Variants in MYO6 observed in about 807,000 individuals in gnomAD.
The protein encoded by MYO6 is unconventional myosin-VI.
Under a neutral mutation model 178.7 loss-of-function variants are expected in MYO6, and 74 were observed. That is an observed-to-expected ratio of 0.41 (90% CI 0.34 to 0.50). MYO6 has a LOEUF of 0.50. MYO6 is among the 20% of genes least tolerant of loss of function. MYO6 has a pLI of 0.09. For synonymous variants in MYO6, 477 were observed against 504.6 expected, an observed-to-expected ratio of 0.95 and a Z score of 0.73; for missense variants, 1,330 against 1,547.4, an observed-to-expected ratio of 0.86 and a Z score of 2.36.
rs1007804805 is a variant in MYO6 at position 75,851,095 on chromosome 6, A to G, written c.1078+2564A>G. ...AAAAAAAGTCTTTACAATAATTAAT[A>G]CACACTTTAGAAATGTTGTTAGAAG... On this transcript the variant is annotated intron_variant, in intron 11 of 34. Coordinates refer to ENST00000369977, the MANE Select transcript of MYO6 (RefSeq NM_004999.4). 7.9e-5 allele frequency among the ~76,000 whole-genome samples: 12 copies of G among 152,354 alleles called. No homozygotes were observed. The East Asian group carries it at 2.1e-3, about 27-fold the overall frequency.
intron 3 of MYO6, among the ~76,000 whole-genome samples, chr6:75,823,550 G>T (rs1005986210): frequency 1.3e-5 from 2 of 152,160 alleles, no homozygotes; most frequent in African/African-American, 4.8e-5. Context: ...ATGTACAGTT[G>T]TCAAGGTACC....
intron 1 of MYO6, among the ~76,000 whole-genome samples, chr6:75,750,840 A>G (rs1375880141): frequency 6.6e-6 from 1 of 152,016 alleles, no homozygotes; most frequent in Non-Finnish European, 1.5e-5. Flanking sequence ...TCGGCCTCCC[A>G]AAGTGCTAGG....
chr6:75,780,307 T>C (rs530448946), intron 1 of MYO6, among the ~76,000 whole-genome samples: 1 of 152,302 alleles, frequency 6.6e-6, no homozygotes, highest in Non-Finnish European at 1.5e-5. Flanking sequence ...CTGGGTGTGG[T>C]GGTGCACACC....
At chr6:75,872,883 G>A (rs1042183422) in intron 19 of MYO6, among the ~76,000 whole-genome samples, 4 of 151,760 alleles carry the variant, frequency 2.6e-5, no homozygotes, top group Non-Finnish European at 5.9e-5. Flanking sequence ...GGGTTCAAGT[G>A]GTTCTCCTGC....
intron 1 of MYO6, among the ~76,000 whole-genome samples, chr6:75,779,288 G>A (rs1766721805): frequency 6.6e-6 from 1 of 152,060 alleles, no homozygotes; most frequent in African/African-American, 2.4e-5. Context: ...GATTACCTGA[G>A]GTCAGGAGTT....
chr6:75,841,523 TAAAAA>T (rs770670898), intron 9 of MYO6, 145 bp downstream of exon 9: 9 of 549,490 alleles, frequency 1.6e-5, no homozygotes, highest in East Asian at 1.1e-4. Flanking sequence ...ACCCTGTCTC[TAAAAA>T]AAAAAAATAC....
At chr6:75,772,220 G>A (rs1319705490) in intron 1 of MYO6, among the ~76,000 whole-genome samples, 1 of 151,920 alleles carries the variant, frequency 6.6e-6, no homozygotes, top group Non-Finnish European at 1.5e-5. Context: ...TCTCCTGTTT[G>A]TCACAAAGAT....
At chr6:75,859,075 G>T in intron 14 of MYO6, 82 bp downstream of exon 14, 1 of 898,946 alleles carries the variant, frequency 1.1e-6, no homozygotes. Context: ...CAGTTACCCT[G>T]ATTGGTGTGG....
intron 16 of MYO6, among the ~76,000 whole-genome samples, 153 bp from the exon 17 acceptor site, chr6:75,866,363 TGATACTTTAA>T (rs1776693360): frequency 6.6e-6 from 1 of 152,044 alleles, no homozygotes; most frequent in African/African-American, 2.4e-5. Context: ...TAGATTTTAT[TGATACTTTAA>T]GGCATACTCA....
chr6:75,806,889 T>C (rs1770153997), intron 1 of MYO6, among the ~76,000 whole-genome samples: 1 of 152,216 alleles, frequency 6.6e-6, no homozygotes, highest in African/African-American at 2.4e-5. Flanking sequence ...AGACCCTTGA[T>C]TTCCCACTTC....
chr6:75,840,869 T>C (rs1446966311), intron 8 of MYO6, among the ~76,000 whole-genome samples, 187 bp downstream of exon 8: 1 of 152,230 alleles, frequency 6.6e-6, no homozygotes. Context: ...AAAACCCAGA[T>C]GCTGAATTTG....
intron 1 of MYO6, among the ~76,000 whole-genome samples, chr6:75,755,399 G>T (rs1362896857): frequency 6.6e-6 from 1 of 152,150 alleles, no homozygotes; most frequent in Non-Finnish European, 1.5e-5. Flanking sequence ...GGTTCAGGAA[G>T]TTCTGAAAAA....
chr6:75,838,495 G>C (rs1390512692), intron 7 of MYO6, among the ~76,000 whole-genome samples: 2 of 152,166 alleles, frequency 1.3e-5, no homozygotes, highest in Non-Finnish European at 2.9e-5. Flanking sequence ...CTGTTGGAGA[G>C]GTTCTTATCC....
chr6:75,755,906 T>C (rs1777305204), intron 1 of MYO6, among the ~76,000 whole-genome samples: 1 of 152,190 alleles, frequency 6.6e-6, no homozygotes, highest in Non-Finnish European at 1.5e-5. Flanking sequence ...GACCCTAAAG[T>C]TGGGAAATAG....
At chr6:75,887,906 G>A (rs1055780955) in intron 25 of MYO6, among the ~76,000 whole-genome samples, 2 of 152,046 alleles carry the variant, frequency 1.3e-5, no homozygotes, top group East Asian at 1.9e-4. Context: ...GTGAACCGGG[G>A]GGGCGGAGCT....
intron 17 of MYO6, 95 bp downstream of exon 17, chr6:75,866,716 C>T (rs965315290): frequency 2.0e-5 from 24 of 1,218,520 alleles, no homozygotes; most frequent in South Asian, 2.5e-5. Flanking sequence ...AATTATTTCA[C>T]GTGGTTATTT....
At chr6:75,763,054 T>C (rs1778089126) in intron 1 of MYO6, among the ~76,000 whole-genome samples, 1 of 147,158 alleles carries the variant, frequency 6.8e-6, no homozygotes. Context: ...TGAGACGGAG[T>C]CTCACTCTGT....
chr6:75,749,890 C>T (rs1434462551), intron 1 of MYO6, among the ~76,000 whole-genome samples: 1 of 152,146 alleles, frequency 6.6e-6, no homozygotes, highest in African/African-American at 2.4e-5. Context: ...TATTCTTAGT[C>T]TCCAGGTGGT....
intron 1 of MYO6, among the ~76,000 whole-genome samples, chr6:75,767,303 GC>G (rs1183363086): frequency 2.6e-5 from 4 of 152,084 alleles, no homozygotes; most frequent in Non-Finnish European, 4.4e-5. Context: ...TGGGATTACA[GC>G]CGTGAGCCAC....
Sources: gnomAD v4.1 joint callset for allele counts (sites outside exome capture counted in the v4.1 genomes callset) on GRCh38, gnomAD v4.1.1 for gene constraint, MANE v1.5 for transcripts, NCBI Gene and HGNC (gene_info 2026-07-23, HGNC 2026-07-21) for gene names.